NCAM1: variants seen among roughly 807,000 people sequenced by gnomAD.
NCAM1 encodes neural cell adhesion molecule 1, also known as antigen recognized by monoclonal antibody 5.1H11.
Under a neutral mutation model 109.8 loss-of-function variants are expected in NCAM1, and 14 were observed. The observed-to-expected ratio is 0.13, with a 90% CI of 0.08 to 0.20. NCAM1 has a LOEUF of 0.20. Among genes scored for constraint, NCAM1 ranks in the 10% least tolerant of loss-of-function variants. NCAM1 has a pLI of 1.00. For missense variants in NCAM1, 774 were observed against 1,109.9 expected, an observed-to-expected ratio of 0.70 and a Z score of 4.30; for synonymous variants, 418 against 442.9, an observed-to-expected ratio of 0.94 and a Z score of 0.70.
chr11:113,072,908 G>A lies in NCAM1; in HGVS notation c.52+111244G>A, dbSNP rs1426116056. Among the ~76,000 whole-genome samples, 8 of 151,324 alleles carry A rather than the reference G, an allele frequency of 5.3e-5. No individual in the cohort carries two copies. In the South Asian group the frequency reaches 1.5e-3, roughly 28 times the overall value. On this transcript the variant is annotated intron_variant, in intron 1 of 19. Coordinates refer to ENST00000316851, the MANE Select transcript of NCAM1 (RefSeq NM_181351.5). ...CCATTTTTAAGTGTACAGTTAAGTA[G>A]TTTTAAATACATCCATAGTGTTGTA...
At chr11:113,064,969 T>G (rs1212462108) in intron 1 of NCAM1, among the ~76,000 whole-genome samples, 1 of 152,192 alleles carries the variant, frequency 6.6e-6, no homozygotes, top group Non-Finnish European at 1.5e-5. Context: ...GATACTCTAG[T>G]AGCAACAAGC....
intron 15 of NCAM1, among the ~76,000 whole-genome samples, chr11:113,253,595 A>C (rs1435311832): frequency 6.6e-6 from 1 of 152,200 alleles, no homozygotes; most frequent in African/African-American, 2.4e-5. Context: ...GGATTGATTC[A>C]GCCTTGAAAA....
chr11:113,134,216 G>A (rs1330724647), intron 1 of NCAM1, among the ~76,000 whole-genome samples: 13 of 152,104 alleles, frequency 8.5e-5, no homozygotes, highest in Non-Finnish European at 2.9e-5. Context: ...CATACTTCGC[G>A]TAGGTGGACT....
chr11:113,007,892 G>A (rs781829038), intron 1 of NCAM1, among the ~76,000 whole-genome samples: 1 of 152,176 alleles, frequency 6.6e-6, no homozygotes, highest in South Asian at 2.1e-4. Context: ...GATACTGAAT[G>A]AACTCATTGT....
intron 1 of NCAM1, among the ~76,000 whole-genome samples, chr11:113,062,317 T>C (rs1555083543): frequency 1.3e-5 from 2 of 152,338 alleles, no homozygotes; most frequent in East Asian, 3.9e-4. Flanking sequence ...TTGCCTATTC[T>C]GGACATTTCA....
In NCAM1 at chr11:112,973,600, C is replaced by T. The variant is rs781878625; in HGVS notation, c.52+11936C>T. Among the ~76,000 whole-genome samples, 38 of 152,034 alleles carry T rather than the reference C, an allele frequency of 2.5e-4. 1 individual carries two copies. The highest frequency in any genetic ancestry group is 1.0e-3 in the South Asian group (5 of 4,824). On this transcript the variant is annotated intron_variant, in intron 1 of 19. Coordinates refer to ENST00000316851, the MANE Select transcript of NCAM1 (RefSeq NM_181351.5). Reference sequence around the variant, plus strand: ...CTTGAGCCAGTTATTTAATCTCCAACGGTCAGTTTATTTATCTGTGAATCA... The same window carrying T: ...CTTGAGCCAGTTATTTAATCTCCAATGGTCAGTTTATTTATCTGTGAATCA...
At chr11:113,138,578 C>T (rs1192633897) in intron 1 of NCAM1, among the ~76,000 whole-genome samples, 1 of 152,234 alleles carries the variant, frequency 6.6e-6, no homozygotes, top group Non-Finnish European at 1.5e-5. Context: ...ATGCTTTCCA[C>T]TTCACCTTGC....
chr11:113,224,540 C>T (rs1315908097), intron 9 of NCAM1, among the ~76,000 whole-genome samples: 2 of 152,240 alleles, frequency 1.3e-5, no homozygotes, highest in Non-Finnish European at 2.9e-5. Flanking sequence ...CAGCAGAAAC[C>T]TCTGCAGACT....
At chr11:113,125,692 G>A (rs550609849) in intron 1 of NCAM1, among the ~76,000 whole-genome samples, 7 of 152,302 alleles carry the variant, frequency 4.6e-5, no homozygotes, top group African/African-American at 1.4e-4. Flanking sequence ...CAGGTTGGAC[G>A]TGAGGGCAGA....
At chr11:112,976,609 C>T (rs1045974608) in intron 1 of NCAM1, among the ~76,000 whole-genome samples, 30 of 151,746 alleles carry the variant, frequency 2.0e-4, no homozygotes, top group African/African-American at 7.0e-4. Flanking sequence ...TGTTGATGTT[C>T]TTGAAATGAT....
At chr11:113,231,612 C>T in intron 9 of NCAM1, 33 bp from the exon 10 acceptor site, 1 of 1,606,844 alleles carries the variant, frequency 6.2e-7, no homozygotes, top group Non-Finnish European at 8.5e-7. Context: ...GCCTTGGGCT[C>T]TGACATGCTC....
In NCAM1 at chr11:113,211,359, T is replaced by G. The variant is rs75411250; in HGVS notation, c.917-3010T>G. On this transcript the variant is annotated intron_variant, in intron 7 of 19. Transcript: ENST00000316851. ...GGCCTCAAGAAGGAATGTCCATCAG[T>G]ATGTATGGGACATATCTCAATTAGA... Among the ~76,000 whole-genome samples, 854 of 152,338 alleles carry G rather than the reference T, an allele frequency of 5.6e-3. 4 individuals carry two copies. Among genetic ancestry groups the G allele is most frequent in the Non-Finnish European group, 9.9e-3 (674 of 68,036 alleles).
intron 1 of NCAM1, among the ~76,000 whole-genome samples, chr11:113,174,322 A>G (rs1173995046): frequency 6.6e-6 from 1 of 152,088 alleles, no homozygotes; most frequent in Admixed American, 6.5e-5. Flanking sequence ...ATAAGACTCC[A>G]TTTCCCCGAC....
At chr11:112,999,992 A>T (rs1951700163) in intron 1 of NCAM1, among the ~76,000 whole-genome samples, 1 of 152,332 alleles carries the variant, frequency 6.6e-6, no homozygotes, top group African/African-American at 2.4e-5. Flanking sequence ...TATAAAATAA[A>T]TTCAAATTAG....
At chr11:113,056,006 TATATATATATATATATATAAA>T (rs1565409253) in intron 1 of NCAM1, among the ~76,000 whole-genome samples, 2 of 122,228 alleles carry the variant, frequency 1.6e-5, no homozygotes, top group East Asian at 2.3e-4. Context: ...TATATATATA[TATATATATATATATATATAAA>T]ATATATATAT....
intron 8 of NCAM1, 94 bp from the exon 9 acceptor site, chr11:113,221,202 A>C: frequency 1.6e-6 from 2 of 1,245,566 alleles, no homozygotes; most frequent in Non-Finnish European, 2.3e-6. Context: ...GAAAAGCTGC[A>C]TGTGCACGGA....
At position 113,183,397 on chromosome 11, in the gene NCAM1, T is replaced by C. The variant is rs140476437; in HGVS notation, c.53-18982T>C. Among the ~76,000 whole-genome samples the C allele has an allele frequency of 6.6e-5, 10 of 152,274 alleles. No individual in the cohort carries two copies. In the East Asian group the frequency reaches 1.9e-3, roughly 29 times the overall value. On this transcript the variant is annotated intron_variant, in intron 1 of 19. Coordinates refer to ENST00000316851, the MANE Select transcript of NCAM1 (RefSeq NM_181351.5). ...CATTGAAAACAATTTCAAAATGCAT[T>C]TTTTACCCAGTAATTTAAGAAACAA... is the stretch of plus-strand genomic sequence containing the variant.
intron 1 of NCAM1, among the ~76,000 whole-genome samples, chr11:113,097,725 T>G (rs1555090711): frequency 6.6e-6 from 1 of 152,150 alleles, no homozygotes; most frequent in East Asian, 1.9e-4. Flanking sequence ...GATGAATTTA[T>G]GTCAAAATAA....
intron 19 of NCAM1, among the ~76,000 whole-genome samples, chr11:113,275,013 T>C (rs1018404981): frequency 6.6e-6 from 1 of 152,236 alleles, no homozygotes; most frequent in Admixed American, 6.5e-5. Flanking sequence ...TTCTCAACTA[T>C]GGCTGCACAT....
Sources: gnomAD v4.1 joint callset for allele counts (sites outside exome capture counted in the v4.1 genomes callset) on GRCh38, gnomAD v4.1.1 for gene constraint, MANE v1.5 for transcripts, NCBI Gene and HGNC (gene_info 2026-07-23, HGNC 2026-07-21) for gene names.